The following TRAK1 variants were observed in gnomAD, a reference collection of about 807,000 sequenced individuals.
TRAK1 encodes the protein trafficking kinesin protein 1.
Under a neutral mutation model 92.1 loss-of-function variants are expected in TRAK1, and 33 were observed. The ratio of observed to expected loss-of-function variants is 0.36; its 90% CI spans 0.27 to 0.48. TRAK1 has a LOEUF of 0.48. Among genes scored for constraint, TRAK1 ranks in the 20% least tolerant of loss-of-function variants. TRAK1 has a pLI of 0.99. For synonymous variants in TRAK1, 521 were observed against 517.3 expected (o/e 1.01, Z -0.10); for missense variants, 1,123 against 1,257.9 (o/e 0.89, Z 1.62).
At chr3:42,036,302 C>A (rs1200630333) in intron 1 of TRAK1, among the ~76,000 whole-genome samples, 1 of 152,196 alleles carries the variant, frequency 6.6e-6, no homozygotes, top group Non-Finnish European at 1.5e-5. Context: ...TCAGCACTAG[C>A]AGTGCCTCAC....
chr3:42,094,511 C>T (rs752753178), intron 1 of TRAK1, among the ~76,000 whole-genome samples: 1 of 151,616 alleles, frequency 6.6e-6, no homozygotes, highest in Non-Finnish European at 1.5e-5. Flanking sequence ...CAAGTAGCTG[C>T]GACTATGGGC....
At chr3:42,135,608 A>G (rs1697854284) in intron 2 of TRAK1, among the ~76,000 whole-genome samples, 1 of 152,204 alleles carries the variant, frequency 6.6e-6, no homozygotes, top group Admixed American at 6.5e-5. Flanking sequence ...AGTCTCATCC[A>G]GGGTATTTCC....
intron 14 of TRAK1, chr3:42,211,358 T>C (rs1709006430): frequency 1.2e-5 from 12 of 985,316 alleles, no homozygotes; most frequent in Non-Finnish European, 1.3e-5. Flanking sequence ...CATAGGTTTA[T>C]TTATGGTTTG....
At chr3:42,184,942 G>A in intron 4 of TRAK1, 141 bp downstream of exon 4, 2 of 754,892 alleles carry the variant, frequency 2.6e-6, no homozygotes, top group Non-Finnish European at 4.4e-6. Flanking sequence ...GCCCAGAACT[G>A]TCTCTTCTGA....
intron 2 of TRAK1, among the ~76,000 whole-genome samples, chr3:42,131,670 A>T (rs1697210934): frequency 1.3e-5 from 2 of 151,998 alleles, no homozygotes; most frequent in Non-Finnish European, 2.9e-5. Context: ...GTGAGCCGAG[A>T]TTGTGCCACT....
chr3:42,152,857 G>A (rs999659303), intron 2 of TRAK1, among the ~76,000 whole-genome samples: 1 of 152,188 alleles, frequency 6.6e-6, no homozygotes, highest in Non-Finnish European at 1.5e-5. Flanking sequence ...AGCGCTGGCT[G>A]TCTGTGTTTG....
At chr3:42,170,330 C>T (rs1323192487) in intron 2 of TRAK1, among the ~76,000 whole-genome samples, 1 of 152,172 alleles carries the variant, frequency 6.6e-6, no homozygotes, top group Non-Finnish European at 1.5e-5. Context: ...TTCCCAGGTT[C>T]TGGGACCCCA....
At chr3:42,090,355 G>A (rs1341572498), upstream of TRAK1, among the ~76,000 whole-genome samples, 1 of 152,254 alleles carries the variant, frequency 6.6e-6, no homozygotes. Context: ...TTCTTTGAAT[G>A]TGACAGTGGA....
At chr3:42,195,540 T>C (rs1361363255) in intron 10 of TRAK1, among the ~76,000 whole-genome samples, 2 of 152,018 alleles carry the variant, frequency 1.3e-5, no homozygotes, top group Non-Finnish European at 2.9e-5. Context: ...AAATTGGCCT[T>C]TTCCTTGGAG....
chr3:42,135,123 G>C (rs1360442875), intron 2 of TRAK1, among the ~76,000 whole-genome samples: 1 of 152,188 alleles, frequency 6.6e-6, no homozygotes, highest in Non-Finnish European at 1.5e-5. Context: ...TCCACTTCTT[G>C]TGTTTCATGC....
chr3:42,015,797 G>A (rs899531471), intron 1 of TRAK1, among the ~76,000 whole-genome samples: 1 of 152,192 alleles, frequency 6.6e-6, no homozygotes, highest in Non-Finnish European at 1.5e-5. Context: ...AGCATTTTGG[G>A]AGGCTGAGGC....
chr3:42,104,359 C>G (rs924154925), intron 1 of TRAK1, among the ~76,000 whole-genome samples: 1 of 152,210 alleles, frequency 6.6e-6, no homozygotes, highest in Non-Finnish European at 1.5e-5. Context: ...GTTCTCCCGG[C>G]ATGGAGTTTG....
intron 2 of TRAK1, among the ~76,000 whole-genome samples, chr3:42,140,091 G>A (rs974795903): frequency 5.3e-5 from 8 of 152,102 alleles, no homozygotes; most frequent in African/African-American, 1.9e-4. Context: ...ATTTTAATGA[G>A]AACTACATCG....
At chr3:42,169,537 A>G (rs764362835) in intron 2 of TRAK1, among the ~76,000 whole-genome samples, 2 of 152,070 alleles carry the variant, frequency 1.3e-5, no homozygotes, top group Non-Finnish European at 1.5e-5. Context: ...TTTCCCTGTC[A>G]TATAAAATGT....
chr3:42,223,873 A>C lies in TRAK1; in HGVS notation c.*136A>C. 1.2e-5 allele frequency: 12 copies of C among 1,023,108 alleles called. No homozygotes were observed. Among genetic ancestry groups the C allele is most frequent in the Non-Finnish European group, 1.6e-5 (11 of 700,662 alleles). The allele number at this position is 1,023,108 out of a possible 1,614,324, so 63.4% of individuals were successfully genotyped here. A position where few individuals can be genotyped will look rare whatever the true frequency, so the allele number is the denominator to read the frequency against. On this transcript the variant is annotated 3_prime_UTR_variant, in exon 16 of 16. Transcript: ENST00000327628. This position sits in a 1 kb window ranked among gnomAD's most constrained non-coding sequence, Gnocchi z 6.1. ...ACCCCCTCCTAAGCTAGACAAATCA[A>C]CCTCGTGCCTAATGGAGGAAGTGTG...
Position 42,193,192 on chromosome 3 carries a change from A to G in TRAK1, c.887A>G (p.Lys296Arg), listed in dbSNP as rs137886266. 1.2e-6 allele frequency: 2 copies of G among 1,614,116 alleles called. No homozygotes were observed. The highest frequency in any genetic ancestry group is 1.3e-5 in the African/African-American group (1 of 75,050). The part of the protein sequence containing the change: ...HLLSQIVDLQ[K>R]KAKACAVENE... ...CTATCGCAAATAGTTGATTTGCAGAAAAAGGCAAAAGCTGTAAGGCTTCTC... is the reference window on the plus strand; with the variant it reads ...CTATCGCAAATAGTTGATTTGCAGAGAAAGGCAAAAGCTGTAAGGCTTCTC... Residue 296 changes from lysine (K) to arginine (R), a missense_variant, in exon 8 of 16, where the codon AAA (lysine) becomes AGA (arginine). Around this residue, in one of 3 missense-constraint regions of TRAK1, gnomAD observed 686 missense variants for 747.6 expected, o/e 0.92. Coordinates refer to ENST00000327628, the MANE Select transcript of TRAK1 (RefSeq NM_001042646.3).
At chr3:42,142,844 T>G (rs1356647212) in intron 2 of TRAK1, among the ~76,000 whole-genome samples, 1 of 152,262 alleles carries the variant, frequency 6.6e-6, no homozygotes, top group Non-Finnish European at 1.5e-5. Context: ...TCTGTACTCT[T>G]TTGGATATTC....
intron 2 of TRAK1, among the ~76,000 whole-genome samples, chr3:42,170,100 T>C (rs546441788): frequency 4.2e-4 from 64 of 151,950 alleles, no homozygotes; most frequent in African/African-American, 1.5e-3. Flanking sequence ...GGCGGGAGGG[T>C]TGGGCTGGGC....
At chr3:42,033,079 A>C (rs116365675) in intron 1 of TRAK1, among the ~76,000 whole-genome samples, 2,474 of 152,294 alleles carry the variant, frequency 0.016, 76 homozygotes, top group African/African-American at 0.057. Context: ...AAGTATTAGC[A>C]CATCACATTC....
Sources: gnomAD v4.1 joint callset for allele counts (sites outside exome capture counted in the v4.1 genomes callset) on GRCh38, gnomAD v4.1.1 for gene constraint, gnomAD v4.1.1 regional missense constraint, Gnocchi (gnomAD v3.1) non-coding constraint, MANE v1.5 for transcripts, NCBI Gene and HGNC (gene_info 2026-07-23, HGNC 2026-07-21) for gene names.